Variants in PACRG observed in about 807,000 individuals in gnomAD.
PACRG encodes parkin coregulated gene protein.
PACRG carries 29 observed loss-of-function variants against 29.7 expected under a neutral mutation model. That is an observed-to-expected ratio of 0.98 (90% CI 0.73 to 1.33). PACRG has a LOEUF of 1.33. Ranked by LOEUF, PACRG falls within the 40% of genes most tolerant of loss-of-function variation. The probability of loss-of-function intolerance (pLI) is 0.00; values close to 1 mark genes in which losing one functional copy is unlikely to be tolerated. For synonymous variants in PACRG, 116 were observed against 118.7 expected, an observed-to-expected ratio of 0.98 and a Z score of 0.15; for missense variants, 279 against 316.2, an observed-to-expected ratio of 0.88 and a Z score of 0.89.
intron 2 of PACRG, among the ~76,000 whole-genome samples, chr6:162,847,055 C>G (rs1253088735): frequency 6.8e-6 from 1 of 146,862 alleles, no homozygotes; most frequent in African/African-American, 2.5e-5. Context: ...CTGCCGTGCT[C>G]CTCATGCTGA....
intron 4 of PACRG, among the ~76,000 whole-genome samples, chr6:163,178,909 A>G (rs972326295): frequency 6.6e-6 from 1 of 152,214 alleles, no homozygotes; most frequent in African/African-American, 2.4e-5. Context: ...AGGTAATATA[A>G]GTGAATTTTG....
intron 2 of PACRG, among the ~76,000 whole-genome samples, chr6:162,918,789 T>C (rs779549695): frequency 7.9e-5 from 12 of 152,206 alleles, no homozygotes; most frequent in Non-Finnish European, 1.8e-4. Context: ...GGAAGTAAAG[T>C]CTTCTTTTTT....
At chr6:162,805,987 T>TAA (rs576123494) in intron 1 of PACRG, among the ~76,000 whole-genome samples, 45 of 152,342 alleles carry the variant, frequency 3.0e-4, no homozygotes, top group African/African-American at 1.1e-3. Context: ...GAAAGGTTCT[T>TAA]AATGGCATTT....
At chr6:163,156,969 T>A (rs1321123646) in intron 4 of PACRG, among the ~76,000 whole-genome samples, 1 of 152,206 alleles carries the variant, frequency 6.6e-6, no homozygotes, top group East Asian at 1.9e-4. Context: ...GTCTTTAATG[T>A]GAGCATGTGT....
intron 1 of PACRG, among the ~76,000 whole-genome samples, chr6:162,762,596 G>T (rs1202104187): frequency 6.6e-6 from 1 of 152,178 alleles, no homozygotes; most frequent in African/African-American, 2.4e-5. Flanking sequence ...AGAAAACGAT[G>T]TCTATTTTGG....
chr6:163,032,141 A>T lies in PACRG; in HGVS notation c.292-30009A>T, dbSNP rs116284979. Among the ~76,000 whole-genome samples, 891 of 152,376 alleles carry T rather than the reference A, an allele frequency of 5.8e-3. 4 individuals are homozygous for T. The highest frequency in any genetic ancestry group is 0.015 in the African/African-American group (606 of 41,588). On this transcript the variant is annotated intron_variant, in intron 2 of 4. Coordinates refer to ENST00000366888, the MANE Select transcript of PACRG (RefSeq NM_001080379.2). The stretch of plus-strand genomic sequence containing the variant: ...CAAATATGCTCCAGATTTTGTTTAC[A>T]GGAGTATAGTTTACTTAATTGCTAA...
intron 2 of PACRG, among the ~76,000 whole-genome samples, chr6:162,848,091 CAG>C (rs1325837744): frequency 6.6e-6 from 1 of 152,066 alleles, no homozygotes; most frequent in East Asian, 1.9e-4. Context: ...GGTGCAGCGG[CAG>C]AGTTATCACC....
chr6:163,292,248 C>T (rs921696964), intron 4 of PACRG, among the ~76,000 whole-genome samples: 15 of 152,160 alleles, frequency 9.9e-5, no homozygotes, highest in African/African-American at 3.6e-4. Context: ...GCCAGCTCCT[C>T]CTGCACTTTC....
rs1808745376 is a variant in PACRG at position 163,041,733 on chromosome 6, T to A, written c.292-20417T>A. Among the ~76,000 whole-genome samples the A allele has an allele frequency of 2.0e-5, 3 of 152,372 alleles. No homozygotes were observed. In the South Asian group the frequency reaches 6.2e-4, roughly 32 times the overall value. Reference sequence around the variant, plus strand: ...AGCAACCATATACTCGAGTATTTTATTAACTCCCAAACGAAGACAGAATAA... The same window carrying A: ...AGCAACCATATACTCGAGTATTTTAATAACTCCCAAACGAAGACAGAATAA... On this transcript the variant is annotated intron_variant, in intron 2 of 4. Coordinates refer to ENST00000366888, the MANE Select transcript of PACRG (RefSeq NM_001080379.2).
intron 4 of PACRG, among the ~76,000 whole-genome samples, chr6:163,230,568 T>C (rs1324931799): frequency 6.6e-6 from 1 of 152,228 alleles, no homozygotes; most frequent in Non-Finnish European, 1.5e-5. Flanking sequence ...TCATGCCATC[T>C]AGAATGGAAA....
chr6:162,816,162 T>G (rs1787321714), intron 2 of PACRG, among the ~76,000 whole-genome samples: 1 of 152,156 alleles, frequency 6.6e-6, no homozygotes, highest in African/African-American at 2.4e-5. Flanking sequence ...CTATTGATTA[T>G]AGTACTGATT....
In PACRG at chr6:162,848,207, A is replaced by G. The variant is rs375595454; in HGVS notation, c.291+33926A>G. Among the ~76,000 whole-genome samples the G allele has an allele frequency of 2.6e-5, 4 of 152,228 alleles. 1 individual carries two copies. Among genetic ancestry groups the G allele is most frequent in the African/African-American group, 9.6e-5 (4 of 41,458 alleles). ...GGATTTGGCAAGCATTCAAATCTCA[A>G]CTTTCTCTGTGAGCAACAGACAAAC... On this transcript the variant is annotated intron_variant, in intron 2 of 4. Transcript: ENST00000366888.
intron 4 of PACRG, among the ~76,000 whole-genome samples, chr6:163,223,805 A>G (rs1781680558): frequency 6.6e-6 from 1 of 152,222 alleles, no homozygotes; most frequent in Non-Finnish European, 1.5e-5. Flanking sequence ...GCAGAATGGC[A>G]TGCATTATGA....
intron 2 of PACRG, among the ~76,000 whole-genome samples, chr6:162,924,832 G>A (rs1026809938): frequency 1.3e-5 from 2 of 152,026 alleles, no homozygotes; most frequent in Non-Finnish European, 2.9e-5. Context: ...AACTGAAGGA[G>A]ATAGAGATAC....
At chr6:163,232,477 A>C (rs1280717474) in intron 4 of PACRG, among the ~76,000 whole-genome samples, 1 of 152,182 alleles carries the variant, frequency 6.6e-6, no homozygotes. Context: ...AAGGAGGAAC[A>C]AAGGAAGAGG....
intron 2 of PACRG, among the ~76,000 whole-genome samples, chr6:163,014,180 A>G (rs1025711686): frequency 4.6e-5 from 7 of 152,220 alleles, no homozygotes; most frequent in Admixed American, 3.9e-4. Flanking sequence ...TGCAAAGGAC[A>G]TGATTTCATT....
Position 163,006,667 on chromosome 6 carries a change from T to C in PACRG, c.292-55483T>C, listed in dbSNP as rs143385533. On this transcript the variant is annotated intron_variant, in intron 2 of 4. Coordinates refer to ENST00000366888, the MANE Select transcript of PACRG (RefSeq NM_001080379.2). The stretch of plus-strand genomic sequence containing the variant: ...AGAATTATTATGTCCTCTTGATAAA[T>C]TGACCCCCTTATCAATATAAAATGA... Among the ~76,000 whole-genome samples, 91 of 152,132 alleles carry C rather than the reference T, an allele frequency of 6.0e-4. 3 individuals carry two copies. In the East Asian group the frequency reaches 0.017, roughly 29 times the overall value.
At chr6:162,961,460 C>T (rs1800612081) in intron 2 of PACRG, among the ~76,000 whole-genome samples, 1 of 152,176 alleles carries the variant, frequency 6.6e-6, no homozygotes, top group Admixed American at 6.5e-5. Context: ...GTATTTCTAT[C>T]AGAGCTGCAG....
intron 2 of PACRG, among the ~76,000 whole-genome samples, chr6:162,995,018 C>T (rs1313735192): frequency 2.6e-5 from 4 of 150,946 alleles, no homozygotes; most frequent in Admixed American, 6.6e-5. Flanking sequence ...TGTCAGTGTG[C>T]CCCTGCTGGG....
Sources: allele counts gnomAD v4.1 joint callset (sites outside exome capture counted in the v4.1 genomes callset), GRCh38; gene constraint gnomAD v4.1.1; transcripts MANE v1.5; gene names NCBI Gene and HGNC (gene_info 2026-07-23, HGNC 2026-07-21).